The following ZNF492 variants were observed in gnomAD, a reference collection of about 807,000 sequenced individuals.
ZNF492 encodes zinc finger protein 492, also known as zinc finger protein 115 (Y20).
A neutral mutation model predicts 6.4 loss-of-function variants in ZNF492; 3 were observed. The ratio of observed to expected loss-of-function variants is 0.47; its 90% CI spans 0.21 to 1.22. ZNF492 has a LOEUF of 1.22. Among genes scored for constraint, ZNF492 ranks in the 50% most tolerant of loss-of-function variants. The pLI is 0.22. For synonymous variants in ZNF492, 112 were observed against 205.3 expected (o/e 0.55, Z 3.89); for missense variants, 356 against 612.5 (o/e 0.58, Z 4.42).
intron 1 of ZNF492, among the ~76,000 whole-genome samples, chr19:22,642,685 G>A (rs899928152): frequency 6.6e-6 from 1 of 151,942 alleles, no homozygotes; most frequent in African/African-American, 2.4e-5. Flanking sequence ...GACCGCGCAC[G>A]GCCTTGTCAT....
intron 1 of ZNF492, among the ~76,000 whole-genome samples, chr19:22,640,246 T>C (rs1971813067): frequency 6.6e-6 from 1 of 152,100 alleles, no homozygotes; most frequent in Non-Finnish European, 1.5e-5. Flanking sequence ...CACTGCAACG[T>C]CTGCCTCCCG....
intron 1 of ZNF492, among the ~76,000 whole-genome samples, chr19:22,643,767 T>C (rs914614988): frequency 1.2e-4 from 19 of 152,200 alleles, no homozygotes; most frequent in Admixed American, 6.5e-4. Context: ...ATTCATGTTA[T>C]TTTAATTAAC....
At position 22,650,451 on chromosome 19, in the gene ZNF492, G is replaced by C. The variant is rs1971928365; in HGVS notation, c.-93-2856G>C. ...GCACTTTTATTGTCCCTTGGTGGAG[G>C]GGGTATGCTTCACTGGGGTTAAACT... On this transcript the variant is annotated intron_variant, in intron 1 of 3. Transcript: ENST00000456783. Among the ~76,000 whole-genome samples the C allele has an allele frequency of 3.3e-5, 5 of 152,162 alleles. No homozygotes were observed. The South Asian group carries it at 1.0e-3, about 32-fold the overall frequency.
intron 1 of ZNF492, among the ~76,000 whole-genome samples, chr19:22,639,662 GATC>G (rs139931606): frequency 0.081 from 11,945 of 148,324 alleles, 1,555 homozygotes; most frequent in African/African-American, 0.28. Flanking sequence ...AGTGAGCCAA[GATC>G]GCGCCACCGC....
Position 22,664,981 on chromosome 19 carries a change from A to C in ZNF492, c.1312A>C (p.Lys438Gln). The C allele has an allele frequency of 6.2e-7, 1 of 1,605,554 alleles. No individual in the cohort carries two copies. The highest frequency in any genetic ancestry group is 8.5e-7 in the Non-Finnish European group (1 of 1,176,318). Reference sequence around the variant, plus strand: ...TTTTAACCAGTCCTCAACTCTTTCTAAACATAAGGTAATTCATACTGGAGA... The same window carrying C: ...TTTTAACCAGTCCTCAACTCTTTCTCAACATAAGGTAATTCATACTGGAGA... Reference protein sequence around the residue: ...KAFNQSSTLSKHKVIHTGEKP... With the variant: ...KAFNQSSTLSQHKVIHTGEKP... Residue 438 changes from lysine (K) to glutamine (Q), a missense_variant, in exon 4 of 4, where the codon AAA (lysine) becomes CAA (glutamine). This residue lies in a region of ZNF492 where 81 missense variants were observed against 115.4 expected (regional missense o/e 0.70). Transcript: ENST00000456783.
chr19:22,648,152 T>C (rs1233667327), intron 1 of ZNF492, among the ~76,000 whole-genome samples: 4 of 152,210 alleles, frequency 2.6e-5, no homozygotes, highest in African/African-American at 4.8e-5. Context: ...TAGTATGTTG[T>C]GATTTTGTTC....
At chr19:22,653,657 T>G (rs533189091) in intron 2 of ZNF492, among the ~76,000 whole-genome samples, 4 of 152,212 alleles carry the variant, frequency 2.6e-5, no homozygotes, top group Admixed American at 2.0e-4. Context: ...GTGTTAATTT[T>G]AGAAATTTAG....
At chr19:22,661,430 A>G (rs1267472033) in intron 3 of ZNF492, among the ~76,000 whole-genome samples, 2 of 152,158 alleles carry the variant, frequency 1.3e-5, no homozygotes, top group African/African-American at 2.4e-5. Context: ...AGATTTGGAC[A>G]TCAAAAAAAG....
At position 22,663,979 on chromosome 19, in the gene ZNF492, T is replaced by A; in HGVS notation, c.310T>A (p.Cys104Ser). ...AGAATGTTACAATGGACTTAACCAG[T>A]GTTTGACGACTACCCAGAACAAAAT... The part of the protein sequence containing the change: ...HKECYNGLNQ[C>S]LTTTQNKIFQ... Residue 104 changes from cysteine (C) to serine (S), a missense_variant, in exon 4 of 4, where the codon TGT becomes AGT. Cys to Ser is a moderately radical substitution (Grantham distance 112, BLOSUM62 -1). This residue lies in a region of ZNF492 where 196 missense variants were observed against 219.4 expected (regional missense o/e 0.89). Coordinates refer to ENST00000456783, the MANE Select transcript of ZNF492 (RefSeq NM_020855.3). 6.2e-7 allele frequency: 1 copy of A among 1,612,430 alleles called. No individual in the cohort carries two copies. Among genetic ancestry groups the A allele is most frequent in the Non-Finnish European group, 8.5e-7 (1 of 1,179,136 alleles).
At chr19:22,658,950 ATTGTT>A (rs1393146829) in intron 3 of ZNF492, among the ~76,000 whole-genome samples, 2 of 151,358 alleles carry the variant, frequency 1.3e-5, no homozygotes, top group African/African-American at 4.9e-5. Context: ...TGCCTCCAAC[ATTGTT>A]TTGTTTTGTT....
At chr19:22,639,149 C>T (rs1311556027) in intron 1 of ZNF492, among the ~76,000 whole-genome samples, 1 of 151,940 alleles carries the variant, frequency 6.6e-6, no homozygotes, top group East Asian at 1.9e-4. Context: ...CAATATTGAT[C>T]TTCTTTATCC....
At chr19:22,647,298 C>T (rs1335190100) in intron 1 of ZNF492, among the ~76,000 whole-genome samples, 2 of 143,632 alleles carry the variant, frequency 1.4e-5, no homozygotes, top group Admixed American at 1.4e-4. Flanking sequence ...TTCTTGTTGC[C>T]CAGGCTGGAG....
At position 22,663,821 on chromosome 19, in the gene ZNF492, G is replaced by A. The variant is rs71355986; in HGVS notation, c.152G>A (p.Arg51Gln). The change falls in exon 4 of 4, where the codon CGA becomes CAA. Residue 51 changes from arginine (R) to glutamine (Q), a missense_variant. Transcript: ENST00000456783. ...EPPVVCSYFA[R>Q]DLWPKQGKKN... ...TCAGTTGTATGTTCTTATTTTGCCC[G>A]AGACCTTTGGCCAAAGCAGGGCAAA... 0.12 allele frequency: 182,388 copies of A among 1,492,488 alleles called. 14,557 individuals are homozygous for A. The highest frequency in any genetic ancestry group is 0.36 in the African/African-American group (25,015 of 69,494). 92.5% of individuals were successfully genotyped at this position (1,492,488 alleles called of 1,614,324 possible). A position where few individuals can be genotyped will look rare whatever the true frequency, so the allele number is the denominator to read the frequency against.
intron 3 of ZNF492, among the ~76,000 whole-genome samples, chr19:22,659,631 T>A (rs1327063904): frequency 5.3e-5 from 8 of 150,454 alleles, no homozygotes; most frequent in African/African-American, 2.0e-4. Context: ...TGTCATAGGT[T>A]CCCAGTGAGT....
Position 22,665,176 on chromosome 19 carries a change from A to G in ZNF492, c.1507A>G (p.Lys503Glu). ...ACATAAGATGATTCATACTGGAGAG[A>G]AACTCTACAAACCTGAAAGTTGTAA... ...NRHKMIHTGE[K>E]LYKPESCNNA... The change falls in exon 4 of 4, where the codon AAA becomes GAA. Residue 503 changes from lysine (K) to glutamate (E), a missense_variant. Lys to Glu is a moderately conservative substitution (Grantham distance 56, BLOSUM62 1). Transcript: ENST00000456783. The G allele has an allele frequency of 6.2e-7, 1 of 1,605,324 alleles. No homozygotes were observed. The highest frequency in any genetic ancestry group is 8.5e-7 in the Non-Finnish European group (1 of 1,177,286).
intron 3 of ZNF492, 57 bp downstream of exon 3, chr19:22,654,072 A>T: frequency 6.1e-6 from 3 of 495,232 alleles, no homozygotes; most frequent in Non-Finnish European, 7.9e-6. Context: ...TCCAAAGTAG[A>T]AAAAAAAAAA....
At chr19:22,652,583 C>CTT (rs923532853) in intron 1 of ZNF492, among the ~76,000 whole-genome samples, 70 of 130,734 alleles carry the variant, frequency 5.4e-4, no homozygotes, top group African/African-American at 1.5e-3. Flanking sequence ...ATTTTCTTTT[C>CTT]TTTTTTTTTT....
intron 3 of ZNF492, among the ~76,000 whole-genome samples, chr19:22,660,741 GT>G (rs200108869): frequency 1.4e-3 from 193 of 142,366 alleles, no homozygotes; most frequent in African/African-American, 2.1e-3. Flanking sequence ...ATGATTATGT[GT>G]TTTTTTTTTT....
At chr19:22,639,619 G>A (rs1599394142) in intron 1 of ZNF492, among the ~76,000 whole-genome samples, 1 of 151,040 alleles carries the variant, frequency 6.6e-6, no homozygotes, top group African/African-American at 2.4e-5. Flanking sequence ...GCTGAGGCAG[G>A]AGAATTGCTT....
Sources: gnomAD v4.1 joint callset for allele counts (sites outside exome capture counted in the v4.1 genomes callset) on GRCh38, gnomAD v4.1.1 for gene constraint, gnomAD v4.1.1 regional missense constraint, MANE v1.5 for transcripts, NCBI Gene and HGNC (gene_info 2026-07-23, HGNC 2026-07-21) for gene names.